Variants in EDAR observed in about 807,000 individuals in gnomAD.
The protein encoded by EDAR is ectodysplasin A receptor.
EDAR carries 38 observed loss-of-function variants against 51.3 expected under a neutral mutation model. The observed-to-expected ratio is 0.74, with a 90% CI of 0.57 to 0.97. The LOEUF (loss-of-function observed/expected upper bound fraction) is 0.97, where lower values mean the gene tolerates loss of function less well. EDAR is among the 50% of genes least tolerant of loss of function. The pLI is 0.00. For missense variants in EDAR, 528 were observed against 595.0 expected, an observed-to-expected ratio of 0.89 and a Z score of 1.17; for synonymous variants, 227 against 242.1, an observed-to-expected ratio of 0.94 and a Z score of 0.58.
At chr2:108,977,697 T>C (rs1314640064) in intron 1 of EDAR, among the ~76,000 whole-genome samples, 3 of 152,142 alleles carry the variant, frequency 2.0e-5, no homozygotes, top group Non-Finnish European at 4.4e-5. Flanking sequence ...TTGTTTCAAA[T>C]GCTGACAAAG....
rs1265804722 is a variant in EDAR, at chr2:108,935,678, A to AAT, written c.-18-4647_-18-4646insAT. On this transcript the variant is annotated intron_variant, in intron 1 of 11. Coordinates refer to ENST00000258443, the MANE Select transcript of EDAR (RefSeq NM_022336.4). The stretch of plus-strand genomic sequence containing the variant: ...CACACACACGCAGACTCTGCACTAG[A>AAT]CACCGATTCCCTTAATCTTGTTAGA... Among the ~76,000 whole-genome samples, 30 of 152,256 alleles carry AAT rather than the reference A, an allele frequency of 2.0e-4. No homozygotes were observed. In the South Asian group the frequency reaches 4.6e-3, roughly 23 times the overall value.
At chr2:108,978,736 C>T (rs893022276) in intron 1 of EDAR, among the ~76,000 whole-genome samples, 6 of 152,104 alleles carry the variant, frequency 3.9e-5, no homozygotes, top group South Asian at 2.1e-4. Context: ...TGCCCAACCC[C>T]GTGCAGGTTT....
intron 1 of EDAR, among the ~76,000 whole-genome samples, chr2:108,951,028 T>C (rs1442192941): frequency 6.6e-6 from 1 of 152,242 alleles, no homozygotes; most frequent in East Asian, 1.9e-4. Flanking sequence ...TGCTTCTATA[T>C]TGAAGGGGCC....
intron 11 of EDAR, among the ~76,000 whole-genome samples, chr2:108,902,056 G>A (rs1696710729): frequency 6.6e-6 from 1 of 152,180 alleles, no homozygotes; most frequent in Non-Finnish European, 1.5e-5. Flanking sequence ...TGGCCAACAT[G>A]GTGAAACCCC....
At chr2:108,937,003 G>A (rs1697483209) in intron 1 of EDAR, among the ~76,000 whole-genome samples, 1 of 152,216 alleles carries the variant, frequency 6.6e-6, no homozygotes, top group Non-Finnish European at 1.5e-5. Flanking sequence ...GGCCAGGCAG[G>A]GGAGGCCCCC....
At chr2:108,902,050 C>T (rs1696710568) in intron 11 of EDAR, among the ~76,000 whole-genome samples, 1 of 152,050 alleles carries the variant, frequency 6.6e-6, no homozygotes, top group African/African-American at 2.4e-5. Flanking sequence ...CCAGCCTGGC[C>T]AACATGGTGA....
chr2:108,912,293 A>G (rs1696942370), intron 6 of EDAR, among the ~76,000 whole-genome samples: 1 of 152,220 alleles, frequency 6.6e-6, no homozygotes. Context: ...GCAAGTTAAT[A>G]TTAAAGTGCT....
intron 1 of EDAR, among the ~76,000 whole-genome samples, 193 bp from the exon 2 acceptor site, chr2:108,931,225 G>C (rs1031722491): frequency 1.3e-5 from 2 of 152,376 alleles, no homozygotes; most frequent in Non-Finnish European, 2.9e-5. Context: ...GGCCTTCCCA[G>C]CCTCGCAGCC....
At chr2:108,932,668 C>A (rs1452680560) in intron 1 of EDAR, among the ~76,000 whole-genome samples, 2 of 151,854 alleles carry the variant, frequency 1.3e-5, no homozygotes, top group Non-Finnish European at 2.9e-5. Context: ...CTGACATGGA[C>A]AATCTTCTTT....
intron 1 of EDAR, among the ~76,000 whole-genome samples, chr2:108,939,608 C>T (rs1244630685): frequency 6.6e-6 from 1 of 151,988 alleles, no homozygotes; most frequent in Non-Finnish European, 1.5e-5. Context: ...AGAACATGTC[C>T]CGTTAGGAAG....
chr2:108,907,541 G>T (rs932094139), intron 10 of EDAR, among the ~76,000 whole-genome samples: 4 of 152,030 alleles, frequency 2.6e-5, no homozygotes, highest in African/African-American at 9.7e-5. Context: ...CTAGCTACTT[G>T]GGAGGCTGAG....
intron 10 of EDAR, among the ~76,000 whole-genome samples, chr2:108,907,099 C>T (rs1029182466): frequency 7.2e-5 from 11 of 152,234 alleles, no homozygotes; most frequent in Non-Finnish European, 1.5e-4. Context: ...CCCTGCCCTG[C>T]TCCTGGCCAC....
chr2:108,938,321 T>C (rs989082554), intron 1 of EDAR, among the ~76,000 whole-genome samples: 6 of 152,234 alleles, frequency 3.9e-5, no homozygotes, highest in Non-Finnish European at 7.3e-5. Context: ...TTATTGCTGC[T>C]TGTCAGACTA....
intron 5 of EDAR, among the ~76,000 whole-genome samples, 175 bp from the exon 6 acceptor site, chr2:108,912,939 G>A (rs990053294): frequency 4.7e-5 from 7 of 150,154 alleles, no homozygotes; most frequent in Admixed American, 2.7e-4. Flanking sequence ...AAGAGTCATC[G>A]TTATTGTTCT....
In EDAR at chr2:108,925,137, A is replaced by AT. The variant is rs544477703; in HGVS notation, c.357-1685dup. Among the ~76,000 whole-genome samples, 352 of 149,590 alleles carry AT rather than the reference A, an allele frequency of 2.4e-3. 1 individual carries two copies. The highest frequency in any genetic ancestry group is 6.8e-3 in the Middle Eastern group (2 of 294). On this transcript the variant is annotated intron_variant, in intron 4 of 11. Coordinates refer to ENST00000258443, the MANE Select transcript of EDAR (RefSeq NM_022336.4). ...TCCAGGGCAAGCCTTGTTCACGTCT[A>AT]TTGGTCCCGCTCCTGGGCTGGGAGG...
chr2:108,924,576 G>A (rs557308250), intron 4 of EDAR, among the ~76,000 whole-genome samples: 3 of 152,278 alleles, frequency 2.0e-5, no homozygotes, highest in Non-Finnish European at 4.4e-5. Flanking sequence ...GCCCCATGGA[G>A]GCCCCTGCTG....
intron 1 of EDAR, among the ~76,000 whole-genome samples, chr2:108,958,610 A>G (rs922145712): frequency 1.3e-5 from 2 of 152,140 alleles, no homozygotes; most frequent in African/African-American, 4.8e-5. Flanking sequence ...ATTGCTCGGG[A>G]CAGCTAGCTC....
intron 1 of EDAR, among the ~76,000 whole-genome samples, chr2:108,947,849 A>T (rs1434085672): frequency 6.6e-6 from 1 of 152,178 alleles, no homozygotes; most frequent in Non-Finnish European, 1.5e-5. Flanking sequence ...GACTATTAAC[A>T]TTCAACTCCT....
chr2:108,963,471 A>G (rs1698092200), intron 1 of EDAR, among the ~76,000 whole-genome samples: 1 of 152,194 alleles, frequency 6.6e-6, no homozygotes, highest in Admixed American at 6.5e-5. Context: ...GTGCACTTGT[A>G]AGAGATAATA....
Sources: gnomAD v4.1 joint callset for allele counts (sites outside exome capture counted in the v4.1 genomes callset) on GRCh38, gnomAD v4.1.1 for gene constraint, MANE v1.5 for transcripts, NCBI Gene and HGNC (gene_info 2026-07-23, HGNC 2026-07-21) for gene names.